The following SLC25A24 variants were observed in gnomAD, a reference collection of about 807,000 sequenced individuals.
The protein encoded by SLC25A24 is mitochondrial adenyl nucleotide antiporter SLC25A24.
Under a neutral mutation model 60.7 loss-of-function variants are expected in SLC25A24, and 49 were observed. The observed-to-expected ratio is 0.81, with a 90% CI of 0.64 to 1.02. The LOEUF is 1.02. Among genes scored for constraint, SLC25A24 ranks in the 50% least tolerant of loss-of-function variants. The pLI is 0.00. For synonymous variants in SLC25A24, 202 were observed against 200.6 expected (o/e 1.01, Z -0.06); for missense variants, 564 against 586.3 (o/e 0.96, Z 0.39).
chr1:108,183,326 A>G (rs968974636), intron 2 of SLC25A24, among the ~76,000 whole-genome samples: 21 of 152,220 alleles, frequency 1.4e-4, no homozygotes, highest in African/African-American at 4.6e-4. Flanking sequence ...AAATTATGCA[A>G]ATACCCTTCT....
chr1:108,148,606 C>A (rs56732872), intron 6 of SLC25A24, among the ~76,000 whole-genome samples: 19 of 152,096 alleles, frequency 1.2e-4, no homozygotes, highest in African/African-American at 4.6e-4. Flanking sequence ...TCTCTCTCCC[C>A]CTTCACATGT....
rs1306845216 is a variant in SLC25A24 at position 108,143,574 on chromosome 1, G to A, written c.1067C>T (p.Pro356Leu). ...CACAGCAAGATCTATGCCTGCATAAGGTATGATACCTAATAAATTGGGAAC... is the reference window on the plus strand; with the variant it reads ...CACAGCAAGATCTATGCCTGCATAAAGTATGATACCTAATAAATTGGGAAC... The part of the protein sequence containing the change: ...GYVPNLLGII[P>L]YAGIDLAVYE... Residue 356 changes from proline to leucine, a missense_variant, in exon 8 of 10, where the codon CCT (proline) becomes CTT (leucine). Transcript: ENST00000565488. 6.2e-7 allele frequency: 1 copy of A among 1,613,238 alleles called. No homozygotes were observed. The highest frequency in any genetic ancestry group is 1.1e-5 in the South Asian group (1 of 90,844).
At chr1:108,151,281 A>C (rs1325536411) in intron 6 of SLC25A24, among the ~76,000 whole-genome samples, 1 of 152,042 alleles carries the variant, frequency 6.6e-6, no homozygotes, top group South Asian at 2.1e-4. Context: ...TTTCTTATCT[A>C]TCACCCTCTC....
chr1:108,190,257 C>T lies in SLC25A24; in HGVS notation c.184-4303G>A, dbSNP rs549544905. On this transcript the variant is annotated intron_variant, in intron 1 of 9. Coordinates refer to ENST00000565488, the MANE Select transcript of SLC25A24 (RefSeq NM_013386.5). The stretch of plus-strand genomic sequence containing the variant: ...AAGCTGTAGGAGGGTTCATTAGAAA[C>T]GCGGCACCCTATTTGATTAGTAGGT... Among the ~76,000 whole-genome samples the T allele has an allele frequency of 5.9e-5, 9 of 152,168 alleles. No homozygotes were observed. In the South Asian group the frequency reaches 1.5e-3, roughly 25 times the overall value.
intron 3 of SLC25A24, among the ~76,000 whole-genome samples, chr1:108,165,566 C>T (rs370311469): frequency 2.0e-5 from 3 of 152,134 alleles, no homozygotes; most frequent in Non-Finnish European, 2.9e-5. Flanking sequence ...TTTGTCTCTT[C>T]TGATCTTTGT....
At chr1:108,164,187 A>T (rs1487423248) in intron 3 of SLC25A24, among the ~76,000 whole-genome samples, 1 of 151,350 alleles carries the variant, frequency 6.6e-6, no homozygotes, top group Non-Finnish European at 1.5e-5. Context: ...TGCTGGATTC[A>T]GTTTGCCAGT....
chr1:108,157,226 T>A (rs1187014695), intron 5 of SLC25A24, among the ~76,000 whole-genome samples: 1 of 152,206 alleles, frequency 6.6e-6, no homozygotes, highest in Non-Finnish European at 1.5e-5. Context: ...GTTTGAATAG[T>A]CATAGAATGC....
chr1:108,138,912 A>C, intron 9 of SLC25A24, 146 bp downstream of exon 9: 3 of 788,822 alleles, frequency 3.8e-6, no homozygotes. Flanking sequence ...ATTTCTGAAA[A>C]GATTCCTTAA....
chr1:108,148,369 A>C lies in SLC25A24; in HGVS notation c.840T>G (p.Thr280=), dbSNP rs773965989. Residue 280 remains threonine, a synonymous_variant, in exon 7 of 10, where the codon ACT becomes ACG. Transcript: ENST00000565488. ...WAYEQYKKLL[T]EEGQKIGTFE... ...ATGTTCCTATTTTTTGTCCTTCTTC[A>C]GTAAGTAACTTCTTGTACTGTATAA... 1.2e-6 allele frequency: 2 copies of C among 1,606,568 alleles called. No homozygotes were observed. Among genetic ancestry groups the C allele is most frequent in the Admixed American group, 3.3e-5 (2 of 59,982 alleles).
chr1:108,161,823 T>C (rs567884889), intron 3 of SLC25A24, among the ~76,000 whole-genome samples: 1 of 152,128 alleles, frequency 6.6e-6, no homozygotes, highest in East Asian at 1.9e-4. Context: ...ATACTTTAAG[T>C]TTTAGGGTAC....
intron 3 of SLC25A24, among the ~76,000 whole-genome samples, chr1:108,167,658 G>A (rs374918341): frequency 9.9e-5 from 15 of 152,248 alleles, no homozygotes; most frequent in South Asian, 2.1e-4. Context: ...GCTCGCGCAC[G>A]GTGCGCACAC....
chr1:108,187,669 C>T (rs1464076675), intron 1 of SLC25A24, among the ~76,000 whole-genome samples: 3 of 151,646 alleles, frequency 2.0e-5, no homozygotes, highest in East Asian at 1.9e-4. Context: ...GAAGAAAAAT[C>T]GAGGACCCCA....
intron 3 of SLC25A24, among the ~76,000 whole-genome samples, chr1:108,164,007 G>T (rs1193092486): frequency 6.6e-6 from 1 of 152,176 alleles, no homozygotes; most frequent in Non-Finnish European, 1.5e-5. Context: ...ATGAAGTGTT[G>T]TTGAATTTTG....
Position 108,180,841 on chromosome 1 carries a change from G to A in SLC25A24, c.398+1100C>T, listed in dbSNP as rs894111271. Among the ~76,000 whole-genome samples the A allele has an allele frequency of 3.3e-5, 5 of 152,114 alleles. No homozygotes were observed. The East Asian group carries it at 9.6e-4, about 29-fold the overall frequency. ...TATGGTATTTTGTCATGGCAGCTAAGCTAATACTTCTTAGTCTATTCTGAA... is the reference window on the plus strand; with the variant it reads ...TATGGTATTTTGTCATGGCAGCTAAACTAATACTTCTTAGTCTATTCTGAA... On this transcript the variant is annotated intron_variant, in intron 3 of 9. Transcript: ENST00000565488.
intron 6 of SLC25A24, among the ~76,000 whole-genome samples, chr1:108,150,546 C>T (rs1449934255): frequency 6.6e-6 from 1 of 152,072 alleles, no homozygotes; most frequent in Non-Finnish European, 1.5e-5. Context: ...ATACCACTTC[C>T]TCCCTCATTC....
At chr1:108,183,629 C>T (rs146194763) in intron 2 of SLC25A24, among the ~76,000 whole-genome samples, 203 of 152,304 alleles carry the variant, frequency 1.3e-3, no homozygotes, top group South Asian at 6.4e-3. Context: ...TTATCAAACG[C>T]ATATATTTTC....
At chr1:108,164,881 T>C (rs560299642) in intron 3 of SLC25A24, among the ~76,000 whole-genome samples, 2 of 106,126 alleles carry the variant, frequency 1.9e-5, no homozygotes, top group African/African-American at 8.3e-5. Flanking sequence ...TTAATTGTGA[T>C]GTTAGGGTGT....
intron 1 of SLC25A24, chr1:108,192,780 T>G: frequency 7.6e-7 from 1 of 1,315,118 alleles, no homozygotes; most frequent in Non-Finnish European, 9.8e-7. Flanking sequence ...CCTTCATCGG[T>G]TAAAGCTCTG....
intron 3 of SLC25A24, among the ~76,000 whole-genome samples, chr1:108,165,663 C>CT (rs1054509259): frequency 3.3e-5 from 5 of 152,076 alleles, no homozygotes; most frequent in Non-Finnish European, 7.4e-5. Context: ...TTCCTCCATC[C>CT]TTTTATTTTG....
Sources: allele counts gnomAD v4.1 joint callset (sites outside exome capture counted in the v4.1 genomes callset), GRCh38; gene constraint gnomAD v4.1.1; transcripts MANE v1.5; gene names NCBI Gene and HGNC (gene_info 2026-07-23, HGNC 2026-07-21).